CACNA1C: variants seen among roughly 807,000 people sequenced by gnomAD.
The protein encoded by CACNA1C is calcium voltage-gated channel subunit alpha1 C.
A neutral mutation model predicts 229.0 loss-of-function variants in CACNA1C; 30 were observed. The observed-to-expected ratio is 0.13, with a 90% CI of 0.10 to 0.18. The LOEUF is 0.18. Among genes scored for constraint, CACNA1C ranks in the 10% least tolerant of loss-of-function variants. The pLI, the probability that CACNA1C is intolerant of heterozygous loss-of-function variation, is 1.00. For synonymous variants in CACNA1C, 1,114 were observed against 1,132.5 expected (o/e 0.98, Z 0.33); for missense variants, 1,658 against 2,845.0 (o/e 0.58, Z 9.49).
chr12:2,089,847 A>G (rs2069600417), intron 1 of CACNA1C, among the ~76,000 whole-genome samples: 1 of 147,258 alleles, frequency 6.8e-6, no homozygotes, highest in African/African-American at 2.5e-5. Context: ...AGCCTGGCCA[A>G]CATAGTGAAA....
At chr12:2,295,290 C>T (rs1025822571) in intron 3 of CACNA1C, among the ~76,000 whole-genome samples, 2 of 152,128 alleles carry the variant, frequency 1.3e-5, no homozygotes, top group African/African-American at 4.8e-5. Context: ...CATGTCATGC[C>T]GCTTCTCACC....
chr12:2,544,326 C>A (rs1385116222), intron 9 of CACNA1C, among the ~76,000 whole-genome samples: 2 of 152,212 alleles, frequency 1.3e-5, no homozygotes. Flanking sequence ...TGACTATAAT[C>A]TGTGTTCTAG....
rs780814152 is a variant in CACNA1C, at chr12:2,608,729, G to A, written c.3558+17G>A. ...AAGAACCAGGTAGCTTCCTAGGAAG[G>A]AGCGGAGGGAAGCGGGGCCCACGGA... On this transcript the variant is annotated intron_variant, in intron 27 of 46. Transcript: ENST00000399655. The surrounding 1 kb of genome is among the most constrained non-coding windows in gnomAD (Gnocchi z 4.2). The A allele has an allele frequency of 3.1e-6, 5 of 1,612,956 alleles. No individual in the cohort carries two copies. The highest frequency in any genetic ancestry group is 3.4e-6 in the Non-Finnish European group (4 of 1,179,444).
chr12:2,199,296 C>T lies in CACNA1C; in HGVS notation c.477+78866C>T, dbSNP rs2097517310. On this transcript the variant is annotated intron_variant, in intron 3 of 46. Coordinates refer to ENST00000399655, the MANE Select transcript of CACNA1C (RefSeq NM_000719.7). ...GTGTGGGTCACTTACACGTGGATTT[C>T]CTTCCATCTCTGCCACCCCTGAGAT... 2.0e-5 allele frequency among the ~76,000 whole-genome samples: 3 copies of T among 152,174 alleles called. No individual in the cohort carries two copies. The South Asian group carries it at 6.2e-4, about 32-fold the overall frequency.
intron 1 of CACNA1C, among the ~76,000 whole-genome samples, chr12:2,114,004 T>C (rs2082813770): frequency 6.6e-6 from 1 of 152,184 alleles, no homozygotes. Context: ...CCCCTGCCAC[T>C]CACAGCTCCT....
In CACNA1C at chr12:2,054,163, G is replaced by A. The variant is rs2053585016; in HGVS notation, c.49+552G>A. Among the ~76,000 whole-genome samples, 2 of 151,740 alleles carry A rather than the reference G, an allele frequency of 1.3e-5. No homozygotes were observed. The highest frequency in any genetic ancestry group is 2.4e-5 in the African/African-American group (1 of 41,418). ...TGCCCTGGGCGGCGCGCTCCAGGTG[G>A]CGGGTGGGGGCGGCGGTGCAGATGT... On this transcript the variant is annotated intron_variant, in intron 1 of 46. Coordinates refer to ENST00000399655, the MANE Select transcript of CACNA1C (RefSeq NM_000719.7). The surrounding 1 kb of genome is among the most constrained non-coding windows in gnomAD (Gnocchi z 5.5).
intron 3 of CACNA1C, among the ~76,000 whole-genome samples, chr12:2,404,807 T>TG (rs1303846167): frequency 6.6e-6 from 1 of 152,044 alleles, no homozygotes; most frequent in Non-Finnish European, 1.5e-5. Flanking sequence ...CTGGATTTTT[T>TG]TTGTGGCTTT....
intron 3 of CACNA1C, among the ~76,000 whole-genome samples, chr12:2,160,014 C>G (rs772754860): frequency 2.2e-4 from 34 of 152,174 alleles, no homozygotes; most frequent in Non-Finnish European, 1.9e-4. Context: ...AATTTCTTTT[C>G]TCCTTATTTC....
At chr12:2,469,083 G>T (rs190864916) in intron 5 of CACNA1C, among the ~76,000 whole-genome samples, 1 of 152,136 alleles carries the variant, frequency 6.6e-6, no homozygotes, top group African/African-American at 2.4e-5. Context: ...TCTGTTGGGG[G>T]TACCCCAGTA....
chr12:2,258,360 G>T (rs1418530550), intron 3 of CACNA1C, among the ~76,000 whole-genome samples: 1 of 151,686 alleles, frequency 6.6e-6, no homozygotes, highest in African/African-American at 2.4e-5. Context: ...TTTTTGGTTG[G>T]TATATATTGT....
At chr12:2,214,606 C>T (rs1171693480) in intron 3 of CACNA1C, among the ~76,000 whole-genome samples, 1 of 151,304 alleles carries the variant, frequency 6.6e-6, no homozygotes, top group African/African-American at 2.4e-5. Context: ...AGTCACCACA[C>T]TGCACATTGC....
rs375155518 is a variant in CACNA1C, at chr12:2,567,648, C to T, written c.1749C>T (p.Tyr583=). The change falls in exon 13 of 47, where the codon TAC becomes TAT. Residue 583 remains tyrosine, a synonymous_variant. Transcript: ENST00000399655. The stretch of plus-strand genomic sequence containing the variant: ...TGTACAGCCTGGGCCTGCAGGCCTA[C>T]TTCGTGTCCCTCTTCAACCGCTTTG... ...LKMYSLGLQA[Y]FVSLFNRFDC... The T allele has an allele frequency of 6.8e-6, 11 of 1,613,044 alleles. No individual in the cohort carries two copies. Among genetic ancestry groups the T allele is most frequent in the Non-Finnish European group, 9.3e-6 (11 of 1,179,558 alleles).
intron 2 of CACNA1C, among the ~76,000 whole-genome samples, chr12:2,116,854 C>A (rs2084143524): frequency 6.6e-6 from 1 of 152,070 alleles, no homozygotes; most frequent in Non-Finnish European, 1.5e-5. Flanking sequence ...TCTCAAGGGC[C>A]AGGATGGGAG....
chr12:2,623,275 G>A (rs996755591), intron 29 of CACNA1C, among the ~76,000 whole-genome samples: 15 of 151,992 alleles, frequency 9.9e-5, no homozygotes, highest in South Asian at 2.1e-4. Flanking sequence ...CTCCCCTGCC[G>A]TAGCCTCTCT....
intron 4 of CACNA1C, among the ~76,000 whole-genome samples, chr12:2,453,297 G>A (rs1294807573): frequency 6.6e-6 from 1 of 152,134 alleles, no homozygotes; most frequent in African/African-American, 2.4e-5. Context: ...CCCAGCTGCA[G>A]CTTCCCATTT....
At chr12:2,459,219 G>A (rs1312275812) in intron 5 of CACNA1C, among the ~76,000 whole-genome samples, 2 of 132,324 alleles carry the variant, frequency 1.5e-5, no homozygotes, top group African/African-American at 5.7e-5. Flanking sequence ...GTTTCACCAT[G>A]TTAGCTAGGA....
rs1567682110 is a variant in CACNA1C at position 2,438,284 on chromosome 12, GTAATGA to G, written c.478-10690_478-10685del. 7.8e-3 allele frequency among the ~76,000 whole-genome samples: 496 copies of G among 63,880 alleles called. 4 individuals are homozygous for G. The highest frequency in any genetic ancestry group is 0.029 in the African/African-American group (477 of 16,204). 41.9% of individuals were successfully genotyped at this position (63,880 alleles called of 152,430 possible). On this transcript the variant is annotated intron_variant, in intron 3 of 46. Coordinates refer to ENST00000399655, the MANE Select transcript of CACNA1C (RefSeq NM_000719.7). ...GATGGTGGTGGTGGTAATGATAGTG[GTAATGA>G]TGGTGGTGGTGGTGGTGGTGGTTGT...
In CACNA1C at chr12:2,653,676, C is replaced by T. The variant is rs41276708; in HGVS notation, c.4075-159C>T. Among the ~76,000 whole-genome samples the T allele has an allele frequency of 7.5e-3, 1,136 of 152,354 alleles. 12 individuals are homozygous for T. Among genetic ancestry groups the T allele is most frequent in the Non-Finnish European group, 0.011 (767 of 68,032 alleles). On this transcript the variant is annotated intron_variant, in intron 32 of 46. Transcript: ENST00000399655. The surrounding 1 kb of genome is among the most constrained non-coding windows in gnomAD (Gnocchi z 4.7). Reference sequence around the variant, plus strand: ...AGTTCCGGTTTCTCAGACCTTCTCGCAGGTTCCCCGTAGTCCTGTGGGACT... The same window carrying T: ...AGTTCCGGTTTCTCAGACCTTCTCGTAGGTTCCCCGTAGTCCTGTGGGACT...
intron 1 of CACNA1C, among the ~76,000 whole-genome samples, chr12:2,026,321 C>T (rs11062078): frequency 0.26 from 38,969 of 152,088 alleles, 5,268 homozygotes; most frequent in Admixed American, 0.33. Context: ...AACGGGGAGC[C>T]TTGAAAATTC....
Sources: gnomAD v4.1 joint callset for allele counts (sites outside exome capture counted in the v4.1 genomes callset) on GRCh38, gnomAD v4.1.1 for gene constraint, Gnocchi (gnomAD v3.1) non-coding constraint, MANE v1.5 for transcripts, NCBI Gene and HGNC (gene_info 2026-07-23, HGNC 2026-07-21) for gene names.